The following TSNARE1 variants were observed in gnomAD, a reference collection of about 807,000 sequenced individuals.
TSNARE1 encodes t-SNARE domain containing 1.
Under a neutral mutation model 62.0 loss-of-function variants are expected in TSNARE1, and 49 were observed. The ratio of observed to expected loss-of-function variants is 0.79; its 90% CI spans 0.63 to 1.00. The LOEUF (loss-of-function observed/expected upper bound fraction) is 1.00, where lower values mean the gene tolerates loss of function less well. Ranked by LOEUF, TSNARE1 falls within the 50% of genes least tolerant of loss-of-function variation. The pLI is 0.00. For missense variants in TSNARE1, 755 were observed against 700.1 expected (o/e 1.08, Z -0.88); for synonymous variants, 328 against 294.4 (o/e 1.11, Z -1.17).
Position 142,222,716 on chromosome 8 carries a change from C to CCACTCACTCATTCACTCATCCACT in TSNARE1, c.*11+6756_*11+6757insAGTGGATGAGTGAATGAGTGAGTG, listed in dbSNP as rs1563755894. On this transcript the variant is annotated intron_variant, in intron 13 of 13. Coordinates refer to ENST00000524325, the MANE Select transcript of TSNARE1 (RefSeq NM_145003.5). Reference sequence around the variant, plus strand: ...CTCACTCATCCACTCACTCACTCATCCACTCACTCACTCATCCACTCACTC... The same window carrying CCACTCACTCATTCACTCATCCACT: ...CTCACTCATCCACTCACTCACTCATCCACTCACTCATTCACTCATCCACTCACTCACTCACTCATCCACTCACTC... Among the ~76,000 whole-genome samples the CCACTCACTCATTCACTCATCCACT allele has an allele frequency of 8.0e-3, 95 of 11,930 alleles. 35 individuals are homozygous for CCACTCACTCATTCACTCATCCACT. The highest frequency in any genetic ancestry group is 0.019 in the East Asian group (10 of 524). 7.8% of individuals were successfully genotyped at this position (11,930 alleles called of 152,430 possible). A position where few individuals can be genotyped will look rare whatever the true frequency, so the allele number is the denominator to read the frequency against.
At position 142,255,919 on chromosome 8, in the gene TSNARE1, A is replaced by ACCACTG. The variant is rs1374036068; in HGVS notation, c.1446+18861_1446+18862insCAGTGG. Among the ~76,000 whole-genome samples, 25 of 33,022 alleles carry ACCACTG rather than the reference A, an allele frequency of 7.6e-4. 1 individual carries two copies. Among genetic ancestry groups the ACCACTG allele is most frequent in the Admixed American group, 1.4e-3 (4 of 2,888 alleles). 21.7% of individuals were successfully genotyped at this position (33,022 alleles called of 152,430 possible). ...CACCACTGTCACCATCACCACCACC[A>ACCACTG]TCACCATCACCATCACCATCACCAC... is the stretch of plus-strand genomic sequence containing the variant. On this transcript the variant is annotated intron_variant, in intron 12 of 13. Coordinates refer to ENST00000524325, the MANE Select transcript of TSNARE1 (RefSeq NM_145003.5).
rs1351980293 is a variant in TSNARE1 at position 142,277,830 on chromosome 8, G to A, written c.1364-2967C>T. The A allele has an allele frequency of 7.1e-6, 7 of 985,256 alleles. No individual in the cohort carries two copies. The African/African-American group carries it at 8.7e-5, about 12-fold the overall frequency. 61.0% of individuals were successfully genotyped at this position (985,256 alleles called of 1,614,324 possible). A position where few individuals can be genotyped will look rare whatever the true frequency, so the allele number is the denominator to read the frequency against. ...ACAGGGTGAGCAAACCTGAGTTCCT[G>A]CAGCCTCCAGGGCTGAGGACTTGCA... On this transcript the variant is annotated intron_variant, in intron 11 of 13. Transcript: ENST00000524325.
intron 3 of TSNARE1, among the ~76,000 whole-genome samples, chr8:142,344,770 A>C (rs575303508): frequency 6.6e-6 from 1 of 152,318 alleles, no homozygotes; most frequent in South Asian, 2.1e-4. Flanking sequence ...GAGGTGCAGG[A>C]GCCGAGCAGG....
intron 6 of TSNARE1, among the ~76,000 whole-genome samples, chr8:142,323,016 T>C (rs1403029713): frequency 1.3e-5 from 2 of 151,412 alleles, no homozygotes; most frequent in Non-Finnish European, 2.9e-5. Context: ...CTGGATGATA[T>C]TGTTATGAAA....
chr8:142,253,520 CACT>C (rs1818279248), intron 12 of TSNARE1, among the ~76,000 whole-genome samples: 1 of 89,776 alleles, frequency 1.1e-5, no homozygotes, highest in Non-Finnish European at 2.1e-5. Flanking sequence ...GGCATAGACC[CACT>C]GCAGTAGGGC....
chr8:142,369,005 G>C (rs1453702326), intron 1 of TSNARE1, among the ~76,000 whole-genome samples: 1 of 152,214 alleles, frequency 6.6e-6, no homozygotes, highest in Non-Finnish European at 1.5e-5. Flanking sequence ...GCAGGGAGAG[G>C]GAAGGGTCAC....
In TSNARE1 at chr8:142,253,258, C is replaced by T. The variant is rs111460545; in HGVS notation, c.1446+21523G>A. On this transcript the variant is annotated intron_variant, in intron 12 of 13. Coordinates refer to ENST00000524325, the MANE Select transcript of TSNARE1 (RefSeq NM_145003.5). ...GTGGTGACGGCGGTGCCTGCAGAAG[C>T]AGGGCCGCTGGGCCACCTCCCGAGC... 1.1e-3 allele frequency among the ~76,000 whole-genome samples: 165 copies of T among 152,344 alleles called. 1 individual carries two copies. The highest frequency in any genetic ancestry group is 2.0e-3 in the Non-Finnish European group (137 of 68,022).
At chr8:142,255,298 C>A (rs1818369594) in intron 12 of TSNARE1, among the ~76,000 whole-genome samples, 1 of 151,798 alleles carries the variant, frequency 6.6e-6, no homozygotes, top group African/African-American at 2.4e-5. Context: ...GTCACCACCA[C>A]CACCATCCCT....
chr8:142,217,643 C>T (rs545512286), intron 13 of TSNARE1, among the ~76,000 whole-genome samples: 87 of 152,362 alleles, frequency 5.7e-4, no homozygotes, highest in African/African-American at 2.1e-3. Context: ...ATGCACCATG[C>T]TTTCTGGCCT....
intron 3 of TSNARE1, among the ~76,000 whole-genome samples, 188 bp downstream of exon 3, chr8:142,345,555 T>C (rs929466700): frequency 2.0e-5 from 3 of 152,168 alleles, no homozygotes; most frequent in Non-Finnish European, 4.4e-5. Context: ...CTGTGGCCTG[T>C]ATGGGCCGGC....
chr8:142,350,702 C>A (rs569221318), intron 2 of TSNARE1, among the ~76,000 whole-genome samples: 1 of 152,222 alleles, frequency 6.6e-6, no homozygotes, highest in Non-Finnish European at 1.5e-5. Flanking sequence ...AGGGAAAGCT[C>A]AACAGATTCC....
At chr8:142,312,418 TC>T (rs1827745001) in intron 9 of TSNARE1, among the ~76,000 whole-genome samples, 1 of 152,180 alleles carries the variant, frequency 6.6e-6, no homozygotes, top group African/African-American at 2.4e-5. Context: ...GATGGGATTG[TC>T]CTCTGTCTTT....
Position 142,272,533 on chromosome 8 carries a change from A to G in TSNARE1, c.1446+2248T>C. The G allele has an allele frequency of 1.9e-5, 7 of 368,892 alleles. 1 individual carries two copies. The highest frequency in any genetic ancestry group is 2.3e-5 in the Non-Finnish European group (7 of 310,666). The allele number at this position is 368,892 out of a possible 1,614,324, so 22.9% of individuals were successfully genotyped here. A position where few individuals can be genotyped will look rare whatever the true frequency, so the allele number is the denominator to read the frequency against. On this transcript the variant is annotated intron_variant, in intron 12 of 13. Transcript: ENST00000524325. ...CACCCGTCTACAGCTTCCTCCTTCC[A>G]TCTACCCACCTGTCTACACCTTCCT...
intron 6 of TSNARE1, among the ~76,000 whole-genome samples, chr8:142,324,857 C>T (rs985060410): frequency 2.0e-5 from 3 of 152,378 alleles, no homozygotes; most frequent in Non-Finnish European, 4.4e-5. Context: ...GCTCCCGCCC[C>T]TCTGTCCGTG....
At position 142,403,136 on chromosome 8, in the gene TSNARE1, C is replaced by G. The variant is rs1292804247; in HGVS notation, c.-72G>C. On this transcript the variant is annotated 5_prime_UTR_variant, in exon 1 of 14. Transcript: ENST00000524325. ...TCGGTGGCTCGCGGACCGCTCCGGG[C>G]GCTCACGGCGGGCGAGGCGGGCGGG... The G allele has an allele frequency of 6.7e-6, 1 of 148,954 alleles. No homozygotes were observed. Among genetic ancestry groups the G allele is most frequent in the Admixed American group, 6.7e-5 (1 of 14,992 alleles). 9.2% of individuals were successfully genotyped at this position (148,954 alleles called of 1,614,324 possible).
chr8:142,328,812 G>A (rs1241028886), intron 6 of TSNARE1, among the ~76,000 whole-genome samples: 1 of 114,494 alleles, frequency 8.7e-6, no homozygotes, highest in Non-Finnish European at 1.9e-5. Context: ...GTGACAGGGA[G>A]GCCTTTGGGG....
intron 1 of TSNARE1, among the ~76,000 whole-genome samples, chr8:142,384,368 T>C (rs542986354): frequency 5.3e-5 from 8 of 152,216 alleles, no homozygotes; most frequent in Admixed American, 2.0e-4. Context: ...TAAAACCCAA[T>C]AGCCAAAATA....
chr8:142,246,267 C>T (rs1431359504), intron 12 of TSNARE1, among the ~76,000 whole-genome samples: 1 of 152,108 alleles, frequency 6.6e-6, no homozygotes, highest in Admixed American at 6.5e-5. Context: ...CAGGAGATGG[C>T]AGGGCTGGGC....
At chr8:142,379,310 G>C (rs940832584) in intron 1 of TSNARE1, among the ~76,000 whole-genome samples, 7 of 152,158 alleles carry the variant, frequency 4.6e-5, no homozygotes, top group Non-Finnish European at 1.0e-4. Flanking sequence ...CTAACCCCCA[G>C]ACTCAAATGC....
Sources: gnomAD v4.1 joint callset for allele counts (sites outside exome capture counted in the v4.1 genomes callset) on GRCh38, gnomAD v4.1.1 for gene constraint, MANE v1.5 for transcripts, NCBI Gene and HGNC (gene_info 2026-07-23, HGNC 2026-07-21) for gene names.